Variants in TAPBP observed in about 807,000 individuals in gnomAD.
TAPBP encodes tapasin.
TAPBP carries 38 observed loss-of-function variants against 45.7 expected under a neutral mutation model. That is an observed-to-expected ratio of 0.83 (90% CI 0.64 to 1.09). The LOEUF (loss-of-function observed/expected upper bound fraction) is 1.09, where lower values mean the gene tolerates loss of function less well. TAPBP is among the 50% of genes least tolerant of loss of function. The probability of loss-of-function intolerance (pLI) is 0.00; values close to 1 mark genes in which losing one functional copy is unlikely to be tolerated. For missense variants in TAPBP, 513 were observed against 587.3 expected, an observed-to-expected ratio of 0.87 and a Z score of 1.31; for synonymous variants, 226 against 254.8, an observed-to-expected ratio of 0.89 and a Z score of 1.08.
chr6:33,308,735 AT>A (rs113488780), intron 3 of TAPBP, among the ~76,000 whole-genome samples: 8,280 of 145,402 alleles, frequency 0.057, 688 homozygotes, highest in African/African-American at 0.18. Flanking sequence ...ATTTTTTCAC[AT>A]TTTTTTTTTT....
In TAPBP at chr6:33,313,118, A is replaced by C. The variant is rs530853345; in HGVS notation, c.469+99T>G. On this transcript the variant is annotated intron_variant, in intron 3 of 7. Coordinates refer to ENST00000434618, the MANE Select transcript of TAPBP (RefSeq NM_003190.5). This position sits in a 1 kb window ranked among gnomAD's most constrained non-coding sequence, Gnocchi z 7.2. ...AACAAAAAAAGGAAACTGAACCCCG[A>C]TTGGCGAAATGTCTTGCTCAAGTCC... 656 of 1,415,040 alleles carry C rather than the reference A, an allele frequency of 4.6e-4. No homozygotes were observed. The highest frequency in any genetic ancestry group is 5.7e-4 in the Non-Finnish European group (596 of 1,047,256). 87.7% of individuals were successfully genotyped at this position (1,415,040 alleles called of 1,614,324 possible).
Position 33,313,413 on chromosome 6 carries a change from G to C in TAPBP, c.273C>G (p.Cys91Trp), listed in dbSNP as rs1769516040. The C allele has an allele frequency of 1.2e-6, 2 of 1,608,040 alleles. No homozygotes were observed. Among genetic ancestry groups the C allele is most frequent in the African/African-American group, 2.7e-5 (2 of 74,828 alleles). Residue 91 changes from cysteine to tryptophan, a missense_variant, in exon 3 of 8, where the codon TGC becomes TGG. Coordinates refer to ENST00000434618, the MANE Select transcript of TAPBP (RefSeq NM_003190.5). This position sits in a 1 kb window ranked among gnomAD's most constrained non-coding sequence, Gnocchi z 7.2. ...GGAGAGGCACGAAGCGGCTCATCTC[G>C]CAGTGTGGTGCGGGGGCGCCCCGGG... ...RYPRGAPAPH[C>W]EMSRFVPLPA...
At position 33,300,826 on chromosome 6, in the gene TAPBP, C is replaced by G. The variant is rs1768513108; in HGVS notation, c.*934G>C. ...TAAAAAATACAAAATATTAGCCAGG[C>G]ATGGTGGAGGACGCCTGTAGTCCGA... On this transcript the variant is annotated 3_prime_UTR_variant, in exon 8 of 8. Coordinates refer to ENST00000434618, the MANE Select transcript of TAPBP (RefSeq NM_003190.5). 1 of 151,488 alleles carries G rather than the reference C, an allele frequency of 6.6e-6. No homozygotes were observed. Among genetic ancestry groups the G allele is most frequent in the Non-Finnish European group, 1.5e-5 (1 of 67,952 alleles). The allele number at this position is 151,488 out of a possible 1,614,324, so 9.4% of individuals were successfully genotyped here. A position where few individuals can be genotyped will look rare whatever the true frequency, so the allele number is the denominator to read the frequency against.
intron 3 of TAPBP, among the ~76,000 whole-genome samples, chr6:33,308,595 T>C (rs1485289509): frequency 6.6e-6 from 1 of 152,160 alleles, no homozygotes; most frequent in Non-Finnish European, 1.5e-5. Flanking sequence ...TCAGTTTACA[T>C]TGTCTTTCCC....
At position 33,305,264 on chromosome 6, in the gene TAPBP, C is replaced by T. The variant is rs1485031295; in HGVS notation, c.593G>A (p.Gly198Asp). The T allele has an allele frequency of 4.4e-6, 7 of 1,602,188 alleles. No individual in the cohort carries two copies. In the East Asian group the frequency reaches 1.6e-4, roughly 36 times the overall value. ...TSEAASSLAP[G>D]PPPFGLEWRR... ...CCACTCTAGCCCAAAGGGAGGGGGA[C>T]CCGGAGCCAGAGATGAGGCGGCCTC... The change falls in exon 4 of 8, where the codon GGT (glycine) becomes GAT (aspartate). Residue 198 changes from glycine to aspartate, a missense_variant. Physicochemically the swap from Gly to Asp is moderately conservative, Grantham distance 94. Coordinates refer to ENST00000434618, the MANE Select transcript of TAPBP (RefSeq NM_003190.5). This position sits in a 1 kb window ranked among gnomAD's most constrained non-coding sequence, Gnocchi z 4.4.
rs766321318 is a variant in TAPBP, at chr6:33,304,636, GT to G, written c.870del (p.Lys290AsnfsTer7). The G allele has an allele frequency of 3.2e-6, 5 of 1,564,968 alleles. No homozygotes were observed. Among genetic ancestry groups the G allele is most frequent in the Non-Finnish European group, 2.6e-6 (3 of 1,160,428 alleles). On this transcript the variant is annotated frameshift_variant and splice_region_variant, in exon 5 of 8. Transcript: ENST00000434618. LOFTEE classifies it high-confidence loss of function. The part of the protein sequence containing the change: ...GQVTLELAVY[K>X]PPKVSLMPAT... ...GCTGGCATCAGGGACACTTTGGGGG[GT>G]TCTGGGGAAAGAGGACGAAATGAGC...
chr6:33,310,374 T>C (rs2053754459), intron 3 of TAPBP, among the ~76,000 whole-genome samples: 2 of 149,614 alleles, frequency 1.3e-5, no homozygotes, highest in African/African-American at 4.9e-5. Context: ...GGCCTGGTGG[T>C]GGGCGCCTGT....
intron 3 of TAPBP, among the ~76,000 whole-genome samples, chr6:33,312,259 G>A (rs1769401123): frequency 6.6e-6 from 1 of 152,142 alleles, no homozygotes; most frequent in Admixed American, 6.5e-5. Flanking sequence ...GGTATAGGCA[G>A]AGGTGAGGGT....
chr6:33,313,767 C>A lies in TAPBP; in HGVS notation c.135G>T (p.Leu45=). The A allele has an allele frequency of 6.2e-7, 1 of 1,613,756 alleles. No homozygotes were observed. ...GKGLAKRPGA[L]LLRQGPGEPP... is the part of the protein sequence containing the mutation. ...GTTCCCCCGGTCCCTGGCGCAACAGCAGTGCACCGGGTCTCTTGGCCAGGC... is the reference window on the plus strand; with the variant it reads ...GTTCCCCCGGTCCCTGGCGCAACAGAAGTGCACCGGGTCTCTTGGCCAGGC... Residue 45 remains leucine (L), a synonymous_variant, in exon 2 of 8, where the codon CTG becomes CTT. Transcript: ENST00000434618. The surrounding 1 kb of genome is among the most constrained non-coding windows in gnomAD (Gnocchi z 7.2).
rs1394440633 is a variant in TAPBP at position 33,300,720 on chromosome 6, C to T, written c.*1040G>A. The stretch of plus-strand genomic sequence containing the variant: ...GTGGCTCACGCGGGTAATCCCAATA[C>T]TTTGGGAGGCCGAGGCGGGCGGATC... On this transcript the variant is annotated 3_prime_UTR_variant, in exon 8 of 8. Coordinates refer to ENST00000434618, the MANE Select transcript of TAPBP (RefSeq NM_003190.5). 6.7e-6 allele frequency: 1 copy of T among 149,670 alleles called. No individual in the cohort carries two copies. The highest frequency in any genetic ancestry group is 1.5e-5 in the Non-Finnish European group (1 of 67,646). The allele number at this position is 149,670 out of a possible 1,614,324, so 9.3% of individuals were successfully genotyped here.
rs1159723199 is a variant in TAPBP, at chr6:33,301,780, G to A, written c.1336-9C>T. 6.2e-7 allele frequency: 1 copy of A among 1,614,154 alleles called. No individual in the cohort carries two copies. The highest frequency in any genetic ancestry group is 1.7e-4 in the Middle Eastern group (1 of 6,056). ...TGCCCTCACTCTGCTTTCTGGAAGAGAGGAAGGTGGTGAGGAATTCAGGAT... is the reference window on the plus strand; with the variant it reads ...TGCCCTCACTCTGCTTTCTGGAAGAAAGGAAGGTGGTGAGGAATTCAGGAT... On this transcript the variant is annotated splice_polypyrimidine_tract_variant and intron_variant, in intron 7 of 7. Transcript: ENST00000434618.
At position 33,305,098 on chromosome 6, in the gene TAPBP, A is replaced by T; in HGVS notation, c.759T>A (p.Asn253Lys). The change falls in exon 4 of 8, where the codon AAT becomes AAA. Residue 253 changes from asparagine (N) to lysine (K), a missense_variant. By Grantham distance (94) the Asn-to-Lys change is moderately conservative (BLOSUM62 0). Transcript: ENST00000434618. This position sits in a 1 kb window ranked among gnomAD's most constrained non-coding sequence, Gnocchi z 4.4. ...DDEPWGPWTG[N>K]GTFWLPTVQP... ...GAACTGTAGGCAGCCAGAAGGTCCC[A>T]TTTCCGGTCCATGGGCCCCATGGCT... is the stretch of plus-strand genomic sequence containing the variant. The T allele has an allele frequency of 6.2e-7, 1 of 1,614,138 alleles. No homozygotes were observed. The highest frequency in any genetic ancestry group is 8.5e-7 in the Non-Finnish European group (1 of 1,180,026).
chr6:33,301,608 TAAGTGA>T lies in TAPBP; in HGVS notation c.*146_*151del. 1 of 662,396 alleles carries T rather than the reference TAAGTGA, an allele frequency of 1.5e-6. No individual in the cohort carries two copies. The highest frequency in any genetic ancestry group is 2.6e-6 in the Non-Finnish European group (1 of 382,914). 41.0% of individuals were successfully genotyped at this position (662,396 alleles called of 1,614,324 possible). A position where few individuals can be genotyped will look rare whatever the true frequency, so the allele number is the denominator to read the frequency against. Reference sequence around the variant, plus strand: ...AAAAAAAGAAAAATTATCCCTTATATAAGTGAAAGAAAAAAAAAAAAGCATTCCAGC... The same window carrying T: ...AAAAAAAGAAAAATTATCCCTTATATAAGAAAAAAAAAAAAGCATTCCAGC... On this transcript the variant is annotated 3_prime_UTR_variant, in exon 8 of 8. Transcript: ENST00000434618.
In TAPBP at chr6:33,306,744, C is replaced by T. The variant is rs564869164; in HGVS notation, c.470-1357G>A. On this transcript the variant is annotated intron_variant, in intron 3 of 7. Transcript: ENST00000434618. ...CTATAATCCCAGCACTTTGGGAGGA[C>T]GAGGCGGGTGGATCACCTGAGTTCG... Among the ~76,000 whole-genome samples, 9 of 152,240 alleles carry T rather than the reference C, an allele frequency of 5.9e-5. No homozygotes were observed. The South Asian group carries it at 1.0e-3, about 18-fold the overall frequency.
In TAPBP at chr6:33,313,587, C is replaced by T; in HGVS notation, c.208+107G>A. On this transcript the variant is annotated intron_variant, in intron 2 of 7. Transcript: ENST00000434618. This position sits in a 1 kb window ranked among gnomAD's most constrained non-coding sequence, Gnocchi z 7.2. ...ACAGACTACCCCGTAGTGAGACTCA[C>T]TTTACAAAGGGGAAGCTGAGGCCTG... 6.5e-7 allele frequency: 1 copy of T among 1,529,934 alleles called. No individual in the cohort carries two copies. The highest frequency in any genetic ancestry group is 1.2e-5 in the South Asian group (1 of 80,160). 94.8% of individuals were successfully genotyped at this position (1,529,934 alleles called of 1,614,324 possible).
At position 33,305,813 on chromosome 6, in the gene TAPBP, TGTG is replaced by T. The variant is rs1768938745; in HGVS notation, c.470-429_470-427del. Among the ~76,000 whole-genome samples the T allele has an allele frequency of 6.6e-6, 1 of 152,172 alleles. No individual in the cohort carries two copies. The highest frequency in any genetic ancestry group is 1.5e-5 in the Non-Finnish European group (1 of 68,020). ...ATGATTGAGCCATGACTGTCAGTCT[TGTG>T]GTGCTGTACAGAATATTTACTGACT... On this transcript the variant is annotated intron_variant, in intron 3 of 7. Transcript: ENST00000434618. This position sits in a 1 kb window ranked among gnomAD's most constrained non-coding sequence, Gnocchi z 4.4.
At position 33,300,285 on chromosome 6, in the gene TAPBP, A is replaced by G. The variant is rs371691565; in HGVS notation, c.*1475T>C. ...TGGCCCTAGAGTACGGGTTCTCCAA[A>G]TGTAACCTCGGCCCTACAGATCTCT... On this transcript the variant is annotated 3_prime_UTR_variant, in exon 8 of 8. Coordinates refer to ENST00000434618, the MANE Select transcript of TAPBP (RefSeq NM_003190.5). The G allele has an allele frequency of 1.3e-5, 2 of 153,766 alleles. No homozygotes were observed. Among genetic ancestry groups the G allele is most frequent in the East Asian group, 3.8e-4 (2 of 5,200 alleles). 9.5% of individuals were successfully genotyped at this position (153,766 alleles called of 1,614,324 possible).
chr6:33,303,568 C>T, intron 7 of TAPBP: 1 of 687,482 alleles, frequency 1.5e-6, no homozygotes, highest in African/African-American at 1.8e-5. Flanking sequence ...TCCAAAAACA[C>T]TTCTGACCCA....
intron 3 of TAPBP, among the ~76,000 whole-genome samples, chr6:33,310,097 A>G (rs1769245573): frequency 6.6e-6 from 1 of 151,680 alleles, no homozygotes; most frequent in South Asian, 2.1e-4. Context: ...AGTGCAAATG[A>G]TCCTCCCACC....
Sources: allele counts gnomAD v4.1 joint callset (sites outside exome capture counted in the v4.1 genomes callset), GRCh38; gene constraint gnomAD v4.1.1; non-coding constraint Gnocchi (gnomAD v3.1); transcripts MANE v1.5; gene names NCBI Gene and HGNC (gene_info 2026-07-23, HGNC 2026-07-21).